CAST: variants seen among roughly 807,000 people sequenced by gnomAD.
CAST encodes MIR583 host.
Under a neutral mutation model 119.6 loss-of-function variants are expected in CAST, and 76 were observed. The ratio of observed to expected loss-of-function variants is 0.64; its 90% CI spans 0.53 to 0.77. The LOEUF is 0.77. CAST is among the 30% of genes least tolerant of loss of function. CAST has a pLI of 0.00. For synonymous variants in CAST, 319 were observed against 331.6 expected (o/e 0.96, Z 0.41); for missense variants, 953 against 946.5 (o/e 1.01, Z -0.09).
At chr5:96,055,743 T>C in the CAST span, among the ~76,000 whole-genome samples, 1 of 152,184 alleles carries the variant, frequency 6.6e-6, no homozygotes, top group Non-Finnish European at 1.5e-5. Flanking sequence ...ATATATACTT[T>C]ACTTTTTTGG....
At chr5:96,075,179 G>C in the CAST span, among the ~76,000 whole-genome samples, 1 of 152,130 alleles carries the variant, frequency 6.6e-6, no homozygotes, top group Non-Finnish European at 1.5e-5. Context: ...TTTATTTTTA[G>C]AGCTTTGTTT....
the CAST span, among the ~76,000 whole-genome samples, chr5:96,508,424 G>A: frequency 2.0e-5 from 3 of 152,172 alleles, no homozygotes; most frequent in Non-Finnish European, 2.9e-5. Context: ...TTGTAGCTAC[G>A]ATTATAATAG....
chr5:96,410,072 G>T, the CAST span, among the ~76,000 whole-genome samples: 2 of 152,078 alleles, frequency 1.3e-5, no homozygotes, highest in Non-Finnish European at 2.9e-5. Flanking sequence ...TAAATTGGGG[G>T]CCTTACATTT....
At position 96,743,906 on chromosome 5, in the gene CAST, G is replaced by C. The variant is rs146012198; in HGVS notation, c.1200+1150G>C. On this transcript the variant is annotated intron_variant, in intron 16 of 31. Coordinates refer to ENST00000675179, the MANE Select transcript of CAST (RefSeq NM_001750.7). The stretch of plus-strand genomic sequence containing the variant: ...AAGCTGAGTTGTGGCTTTACCACCT[G>C]AGGGCGACAGGGCCACAAGTATATT... Among the ~76,000 whole-genome samples the C allele has an allele frequency of 2.3e-3, 345 of 152,264 alleles. 2 individuals carry two copies. Among genetic ancestry groups the C allele is most frequent in the African/African-American group, 8.1e-3 (337 of 41,564 alleles).
At chr5:96,526,126 G>A (rs535013925), upstream of CAST, among the ~76,000 whole-genome samples, 23 of 152,240 alleles carry the variant, frequency 1.5e-4, no homozygotes, top group African/African-American at 5.5e-4. Context: ...TACCCTTCTA[G>A]GTTCTGTGGC....
At chr5:96,743,552 T>TCTGAGTCATCAGAACATCC (rs768993252) in intron 16 of CAST, 1 of 1,561,652 alleles carries the variant, frequency 6.4e-7, no homozygotes, top group African/African-American at 1.4e-5. Flanking sequence ...CACTTCCTGT[T>TCTGAGTCATCAGAACATCC]CTGAGTCATC....
the CAST span, among the ~76,000 whole-genome samples, chr5:96,513,337 C>A: frequency 6.6e-6 from 1 of 152,098 alleles, no homozygotes; most frequent in South Asian, 2.1e-4. Context: ...CAGGAGGAGA[C>A]AGACAATAAA....
upstream of CAST, among the ~76,000 whole-genome samples, chr5:96,658,755 C>T (rs1707778338): frequency 6.6e-6 from 1 of 152,192 alleles, no homozygotes; most frequent in African/African-American, 2.4e-5. Context: ...GATGTAGGTA[C>T]TCAGCTTTAT....
chr5:96,107,036 G>T, the CAST span, among the ~76,000 whole-genome samples: 1 of 143,098 alleles, frequency 7.0e-6, no homozygotes, highest in South Asian at 2.5e-4. Context: ...TCAGAGACTA[G>T]GATTGCAACC....
the CAST span, among the ~76,000 whole-genome samples, chr5:96,160,137 C>T: frequency 7.3e-5 from 11 of 150,666 alleles, no homozygotes; most frequent in Admixed American, 1.3e-4. Flanking sequence ...CAAGACTCGT[C>T]GCAAAAGAAA....
the CAST span, among the ~76,000 whole-genome samples, chr5:96,296,562 A>G: frequency 6.6e-6 from 1 of 152,220 alleles, no homozygotes; most frequent in Non-Finnish European, 1.5e-5. Flanking sequence ...TATAGAGGAT[A>G]GGTCTTTGCT....
chr5:96,533,375 C>G (rs1400358236), intron 1 of CAST, among the ~76,000 whole-genome samples: 2 of 152,140 alleles, frequency 1.3e-5, no homozygotes, highest in African/African-American at 4.8e-5. Context: ...AGAAGGCCCA[C>G]AGAGGAAAGT....
intron 1 of CAST, among the ~76,000 whole-genome samples, chr5:96,562,896 T>G (rs1218865859): frequency 6.6e-6 from 1 of 152,196 alleles, no homozygotes; most frequent in Non-Finnish European, 1.5e-5. Context: ...GCTGAAGGAA[T>G]TTGAGAAAAC....
At chr5:96,237,599 T>C in the CAST span, among the ~76,000 whole-genome samples, 10 of 152,334 alleles carry the variant, frequency 6.6e-5, no homozygotes, top group African/African-American at 2.4e-4. Flanking sequence ...GCCAAAGCTT[T>C]ACATTGTTTT....
At chr5:96,172,009 C>T in the CAST span, among the ~76,000 whole-genome samples, 1 of 152,002 alleles carries the variant, frequency 6.6e-6, no homozygotes, top group African/African-American at 2.4e-5. Flanking sequence ...GCCAAACAGG[C>T]TTTGTGTGAG....
chr5:96,747,214 ACAAACT>A, intron 17 of CAST, 125 bp from the exon 18 acceptor site: 1 of 644,480 alleles, frequency 1.6e-6, no homozygotes, highest in Middle Eastern at 3.9e-4. Flanking sequence ...AATCTGAAAC[ACAAACT>A]CATGTAAATC....
chr5:96,474,086 C>T, the CAST span, among the ~76,000 whole-genome samples: 1 of 152,030 alleles, frequency 6.6e-6, no homozygotes, highest in Non-Finnish European at 1.5e-5. Flanking sequence ...CCTAAAAGAC[C>T]CTGTAAGCCA....
chr5:96,367,967 G>A, the CAST span, among the ~76,000 whole-genome samples: 33 of 151,930 alleles, frequency 2.2e-4, 1 homozygote, highest in Non-Finnish European at 3.2e-4. Context: ...TCTTGAAATC[G>A]CCCCCTCTAG....
the CAST span, among the ~76,000 whole-genome samples, chr5:95,964,209 A>G: frequency 3.2e-4 from 48 of 152,322 alleles, no homozygotes; most frequent in African/African-American, 1.0e-3. Flanking sequence ...GATGTCTCAC[A>G]GGCATAGTAC....
Sources: gnomAD v4.1 joint callset for allele counts (sites outside exome capture counted in the v4.1 genomes callset) on GRCh38, gnomAD v4.1.1 for gene constraint, MANE v1.5 for transcripts, NCBI Gene and HGNC (gene_info 2026-07-23, HGNC 2026-07-21) for gene names.